The following PCDHGA5 variants were observed in gnomAD, a reference collection of about 807,000 sequenced individuals.
The protein encoded by PCDHGA5 is protocadherin gamma subfamily A, 5.
Under a neutral mutation model 56.7 loss-of-function variants are expected in PCDHGA5, and 36 were observed. The observed-to-expected ratio is 0.64, with a 90% CI of 0.49 to 0.84. The LOEUF (loss-of-function observed/expected upper bound fraction) is 0.84, where lower values mean the gene tolerates loss of function less well. PCDHGA5 is among the 40% of genes least tolerant of loss of function. The pLI is 0.00. For synonymous variants in PCDHGA5, 563 were observed against 520.2 expected, an observed-to-expected ratio of 1.08 and a Z score of -1.12; for missense variants, 1,305 against 1,201.5, an observed-to-expected ratio of 1.09 and a Z score of -1.27.
At chr5:141,415,071 G>A (rs757356726) in intron 1 of PCDHGA5, 21 of 1,613,422 alleles carry the variant, frequency 1.3e-5, no homozygotes, top group East Asian at 2.2e-5. Flanking sequence ...AGGTGCGCAC[G>A]GCGCGAGCCC....
At chr5:141,414,059 A>C (rs1008514691) in intron 1 of PCDHGA5, 1 of 1,609,440 alleles carries the variant, frequency 6.2e-7, no homozygotes, top group East Asian at 2.2e-5. Flanking sequence ...CAATTGTTGA[A>C]GTTCCAACTA....
At chr5:141,371,827 A>T in intron 1 of PCDHGA5, 1 of 1,613,784 alleles carries the variant, frequency 6.2e-7, no homozygotes, top group Non-Finnish European at 8.5e-7. Flanking sequence ...AGAGCCTCGG[A>T]TCCCGACTTG....
At chr5:141,412,216 T>C (rs1247540521) in intron 1 of PCDHGA5, 1 of 152,244 alleles carries the variant, frequency 6.6e-6, no homozygotes, top group East Asian at 1.9e-4. Context: ...ACATAAACAC[T>C]TACTTGTTAA....
At chr5:141,433,401 A>ATCTATCTATCTC (rs1444244130) in intron 1 of PCDHGA5, among the ~76,000 whole-genome samples, 15 of 150,598 alleles carry the variant, frequency 1.0e-4, no homozygotes, top group African/African-American at 3.4e-4. Flanking sequence ...CTATCTATCT[A>ATCTATCTATCTC]TCTATTACTT....
rs922042985 is a variant in PCDHGA5, at chr5:141,415,768, T to G, written c.2421+49017T>G. 1.6e-5 allele frequency: 22 copies of G among 1,345,224 alleles called. No homozygotes were observed. The African/African-American group carries it at 3.6e-4, about 22-fold the overall frequency. The allele number at this position is 1,345,224 out of a possible 1,614,324, so 83.3% of individuals were successfully genotyped here. ...TTTTTTTTTTTTTTTTTTTTTTTTT[T>G]TTTTACTTTCTGGTAAAATTCACCT... is the stretch of plus-strand genomic sequence containing the variant. On this transcript the variant is annotated intron_variant, in intron 1 of 3. Coordinates refer to ENST00000518069, the MANE Select transcript of PCDHGA5 (RefSeq NM_018918.3).
intron 1 of PCDHGA5, chr5:141,397,930 G>C (rs898785209): frequency 5.2e-6 from 4 of 775,998 alleles, no homozygotes; most frequent in Non-Finnish European, 8.1e-6. Flanking sequence ...TCGCGCAGCC[G>C]CAGCGCGCTT....
At chr5:141,417,710 T>A in intron 1 of PCDHGA5, 2 of 1,249,348 alleles carry the variant, frequency 1.6e-6, no homozygotes, top group Admixed American at 5.9e-5. Context: ...ACACAGAGGC[T>A]CCCGGCTGCG....
intron 1 of PCDHGA5, chr5:141,375,726 T>C (rs1771809693): frequency 6.2e-7 from 1 of 1,614,262 alleles, no homozygotes; most frequent in East Asian, 2.2e-5. Flanking sequence ...AACGTGTCAC[T>C]GAGCCTGTTT....
At chr5:141,481,524 A>G (rs186970700) in intron 1 of PCDHGA5, among the ~76,000 whole-genome samples, 4 of 152,240 alleles carry the variant, frequency 2.6e-5, no homozygotes, top group African/African-American at 9.6e-5. Flanking sequence ...CTCAGTAAAA[A>G]TCTAGAGATG....
intron 1 of PCDHGA5, chr5:141,433,018 T>C: frequency 6.2e-7 from 1 of 1,614,120 alleles, no homozygotes. Flanking sequence ...TGCAGACCTA[T>C]TCCCACGAGG....
chr5:141,468,749 C>G (rs1237051053), intron 1 of PCDHGA5, among the ~76,000 whole-genome samples: 1 of 151,962 alleles, frequency 6.6e-6, no homozygotes, highest in Non-Finnish European at 1.5e-5. Context: ...GCCTGTAGTC[C>G]CAGCTACTCG....
At chr5:141,376,154 C>T (rs1425376305) in intron 1 of PCDHGA5, 11 of 1,614,032 alleles carry the variant, frequency 6.8e-6, no homozygotes, top group Middle Eastern at 1.7e-4. Flanking sequence ...GGACCTCACT[C>T]TGTACCTGGT....
chr5:141,383,570 G>C (rs1312215313), intron 1 of PCDHGA5: 1 of 1,613,234 alleles, frequency 6.2e-7, no homozygotes, highest in South Asian at 1.1e-5. Flanking sequence ...CCCCGATCCA[G>C]CACCGCCCAC....
intron 1 of PCDHGA5, chr5:141,424,133 T>C: frequency 2.2e-6 from 1 of 450,350 alleles, no homozygotes; most frequent in South Asian, 9.6e-5. Flanking sequence ...GTTGATTTAA[T>C]AGCATGCTCC....
At chr5:141,465,983 A>G (rs1219092160) in intron 1 of PCDHGA5, among the ~76,000 whole-genome samples, 1 of 151,944 alleles carries the variant, frequency 6.6e-6, no homozygotes, top group East Asian at 1.9e-4. Context: ...TTAGCCGGGC[A>G]TGGTGGCAGG....
chr5:141,408,299 A>C, intron 1 of PCDHGA5: 1 of 1,613,662 alleles, frequency 6.2e-7, no homozygotes, highest in Non-Finnish European at 8.5e-7. Context: ...GAGTGAGCCG[A>C]TCCGCTACTC....
chr5:141,378,119 G>A (rs1412148490), intron 1 of PCDHGA5: 1 of 152,132 alleles, frequency 6.6e-6, no homozygotes, highest in East Asian at 1.9e-4. Context: ...TAGTGAACAC[G>A]TATTTGTTGA....
chr5:141,420,076 T>TC, intron 1 of PCDHGA5: 1 of 1,613,956 alleles, frequency 6.2e-7, no homozygotes, highest in Non-Finnish European at 8.5e-7. Context: ...GACCTGTGGG[T>TC]CCCCCCAACT....
rs748395200 is a variant in PCDHGA5, at chr5:141,374,991, CT to C, written c.2421+8242del. On this transcript the variant is annotated intron_variant, in intron 1 of 3. Transcript: ENST00000518069. Reference sequence around the variant, plus strand: ...AATGTTTTGACTGGAGAAATTTCAACTTCTGCAAATCTAGACTATGAGGACT... The same window carrying C: ...AATGTTTTGACTGGAGAAATTTCAACTCTGCAAATCTAGACTATGAGGACT... The C allele has an allele frequency of 5.6e-6, 9 of 1,613,918 alleles. No individual in the cohort carries two copies. In the East Asian group the frequency reaches 2.0e-4, roughly 36 times the overall value.
Sources: gnomAD v4.1 joint callset for allele counts (sites outside exome capture counted in the v4.1 genomes callset) on GRCh38, gnomAD v4.1.1 for gene constraint, MANE v1.5 for transcripts, NCBI Gene and HGNC (gene_info 2026-07-23, HGNC 2026-07-21) for gene names.